CDH12: variants seen among roughly 807,000 people sequenced by gnomAD.
CDH12 encodes the protein cadherin 12.
In CDH12, 41 loss-of-function variants were observed where a neutral mutation model predicts 74.1. The ratio of observed to expected loss-of-function variants is 0.55; its 90% CI spans 0.43 to 0.72. The LOEUF is 0.72. Ranked by LOEUF, CDH12 falls within the 30% of genes least tolerant of loss-of-function variation. The pLI is 0.00. For missense variants in CDH12, 945 were observed against 977.2 expected (o/e 0.97, Z 0.44); for synonymous variants, 399 against 355.0 (o/e 1.12, Z -1.39).
chr5:22,850,986 A>G (rs1300592916), intron 1 of CDH12, among the ~76,000 whole-genome samples: 2 of 152,142 alleles, frequency 1.3e-5, no homozygotes, highest in Non-Finnish European at 2.9e-5. Context: ...TACATGAAAT[A>G]GGCTCTGCCA....
rs188864989 is a variant in CDH12, at chr5:22,117,312, A to G, written c.-186-38450T>C. On this transcript the variant is annotated intron_variant, in intron 4 of 14. Transcript: ENST00000382254. ...CTAAATATCTTATTTATTTGAAGTGACTTGAATAAACATACGAAAATCCTA... is the reference window on the plus strand; with the variant it reads ...CTAAATATCTTATTTATTTGAAGTGGCTTGAATAAACATACGAAAATCCTA... Among the ~76,000 whole-genome samples, 224 of 149,284 alleles carry G rather than the reference A, an allele frequency of 1.5e-3. 2 individuals carry two copies. The highest frequency in any genetic ancestry group is 5.4e-3 in the African/African-American group (218 of 40,490).
At chr5:22,092,609 G>A (rs1175379342) in intron 4 of CDH12, among the ~76,000 whole-genome samples, 1 of 152,088 alleles carries the variant, frequency 6.6e-6, no homozygotes, top group Admixed American at 6.6e-5. Context: ...TGTTGAAGGA[G>A]GATGTGAAAA....
chr5:22,430,049 C>T (rs1386553285), intron 2 of CDH12, among the ~76,000 whole-genome samples: 3 of 152,234 alleles, frequency 2.0e-5, no homozygotes, highest in Non-Finnish European at 4.4e-5. Flanking sequence ...ATGATCAAGA[C>T]TATTTTTCCA....
chr5:21,937,840 G>A (rs1364930408), intron 6 of CDH12, among the ~76,000 whole-genome samples: 1 of 152,178 alleles, frequency 6.6e-6, no homozygotes, highest in African/African-American at 2.4e-5. Context: ...CCTCTCCACT[G>A]TGGGACCTTG....
chr5:22,573,970 T>C (rs370871801), intron 1 of CDH12, among the ~76,000 whole-genome samples: 1 of 152,052 alleles, frequency 6.6e-6, no homozygotes, highest in African/African-American at 2.4e-5. Flanking sequence ...CTTCTTGGAG[T>C]GCAAAAGACT....
At chr5:21,841,735 A>T (rs1388823016) in intron 8 of CDH12, among the ~76,000 whole-genome samples, 4 of 151,932 alleles carry the variant, frequency 2.6e-5, no homozygotes, top group African/African-American at 9.7e-5. Context: ...GGAAATCATC[A>T]TTCTCAGTAA....
At chr5:22,680,509 A>G (rs1440634159) in intron 1 of CDH12, among the ~76,000 whole-genome samples, 3 of 152,072 alleles carry the variant, frequency 2.0e-5, no homozygotes, top group Non-Finnish European at 4.4e-5. Context: ...AGGTGCTCAT[A>G]GCATGTTGAT....
At chr5:22,421,830 C>T (rs1374269305) in intron 2 of CDH12, among the ~76,000 whole-genome samples, 1 of 152,102 alleles carries the variant, frequency 6.6e-6, no homozygotes, top group Non-Finnish European at 1.5e-5. Flanking sequence ...CCTGTTTCCC[C>T]ACATCCTCTC....
At chr5:22,552,374 C>T (rs1738611236) in intron 1 of CDH12, among the ~76,000 whole-genome samples, 1 of 151,850 alleles carries the variant, frequency 6.6e-6, no homozygotes, top group Non-Finnish European at 1.5e-5. Flanking sequence ...GCCTAGCATA[C>T]CGGTTCTTCT....
At chr5:21,890,984 T>C (rs528486826) in intron 6 of CDH12, among the ~76,000 whole-genome samples, 1 of 152,178 alleles carries the variant, frequency 6.6e-6, no homozygotes, top group Non-Finnish European at 1.5e-5. Flanking sequence ...ATAAACCCCA[T>C]TACGTCTTCA....
In CDH12 at chr5:22,223,159, G is replaced by C. The variant is rs186318545; in HGVS notation, c.-332-10516C>G. On this transcript the variant is annotated intron_variant, in intron 3 of 14. Coordinates refer to ENST00000382254, the MANE Select transcript of CDH12 (RefSeq NM_004061.5). Reference sequence around the variant, plus strand: ...TATTTTAGAAGAGTTAGGGAAATAGGCTGCTTCAAAGCAACACATGTGTTA... The same window carrying C: ...TATTTTAGAAGAGTTAGGGAAATAGCCTGCTTCAAAGCAACACATGTGTTA... Among the ~76,000 whole-genome samples, 42 of 152,050 alleles carry C rather than the reference G, an allele frequency of 2.8e-4. 2 individuals are homozygous for C. The highest frequency in any genetic ancestry group is 2.2e-3 in the Admixed American group (33 of 15,230).
chr5:22,395,860 A>G (rs1742436127), intron 3 of CDH12, among the ~76,000 whole-genome samples: 1 of 152,124 alleles, frequency 6.6e-6, no homozygotes, highest in African/African-American at 2.4e-5. Flanking sequence ...ATACTCTCTG[A>G]GAACATTAAG....
chr5:22,057,211 G>T (rs1277200206), intron 5 of CDH12, among the ~76,000 whole-genome samples: 1 of 152,172 alleles, frequency 6.6e-6, no homozygotes, highest in Non-Finnish European at 1.5e-5. Context: ...AAGCATGTCT[G>T]TGTTTCAATA....
At chr5:22,337,565 C>T (rs576267401) in intron 3 of CDH12, among the ~76,000 whole-genome samples, 1 of 152,200 alleles carries the variant, frequency 6.6e-6, no homozygotes, top group South Asian at 2.1e-4. Context: ...TGAGAGTTTC[C>T]CTGCACAATC....
At chr5:22,560,733 A>G (rs1739012311) in intron 1 of CDH12, among the ~76,000 whole-genome samples, 1 of 152,120 alleles carries the variant, frequency 6.6e-6, no homozygotes, top group Admixed American at 6.5e-5. Flanking sequence ...TGGACTAACC[A>G]CCTTACAAAG....
chr5:21,858,839 CT>C (rs1750883701), intron 6 of CDH12, among the ~76,000 whole-genome samples: 1 of 151,884 alleles, frequency 6.6e-6, no homozygotes, highest in Non-Finnish European at 1.5e-5. Flanking sequence ...CCTTTTCCCC[CT>C]AATTTATTTA....
intron 3 of CDH12, among the ~76,000 whole-genome samples, chr5:22,287,310 C>G (rs778582039): frequency 5.3e-5 from 8 of 152,038 alleles, no homozygotes; most frequent in Non-Finnish European, 1.0e-4. Context: ...CACTAGGTAA[C>G]TTGATACTAT....
intron 2 of CDH12, among the ~76,000 whole-genome samples, chr5:22,483,854 G>A (rs1360306000): frequency 6.9e-6 from 1 of 144,044 alleles, no homozygotes; most frequent in African/African-American, 2.6e-5. Context: ...CCAGGAATTG[G>A]AGGTTGTAGT....
chr5:22,850,123 G>C (rs985007274), intron 1 of CDH12, among the ~76,000 whole-genome samples: 10 of 151,930 alleles, frequency 6.6e-5, no homozygotes, highest in Non-Finnish European at 1.2e-4. Flanking sequence ...TGTAATTTTA[G>C]AACAGTCATA....
Sources: gnomAD v4.1 joint callset for allele counts (sites outside exome capture counted in the v4.1 genomes callset) on GRCh38, gnomAD v4.1.1 for gene constraint, MANE v1.5 for transcripts, NCBI Gene and HGNC (gene_info 2026-07-23, HGNC 2026-07-21) for gene names.